Variants in SLC25A18 observed in about 807,000 individuals in gnomAD.
SLC25A18 encodes solute carrier family 25 member 18.
A neutral mutation model predicts 31.1 loss-of-function variants in SLC25A18; 24 were observed. The ratio of observed to expected loss-of-function variants is 0.77; its 90% confidence interval spans 0.56 to 1.08. SLC25A18 has a LOEUF of 1.08. SLC25A18 is among the 50% of genes least tolerant of loss of function. SLC25A18 has a pLI of 0.00. For synonymous variants in SLC25A18, 173 were observed against 161.9 expected (o/e 1.07, Z -0.52); for missense variants, 371 against 418.5 (o/e 0.89, Z 0.99).
intron 2 of SLC25A18, 51 bp from the exon 3 acceptor site, chr22:17,579,694 C>T (rs1036697141): frequency 6.8e-5 from 89 of 1,313,812 alleles, no homozygotes; most frequent in Middle Eastern, 2.8e-4. Context: ...CCACTAGTGA[C>T]GTGCGTCCTC....
chr22:17,564,859 A>G (rs1213151288), intron 1 of SLC25A18, among the ~76,000 whole-genome samples: 10 of 149,550 alleles, frequency 6.7e-5, no homozygotes, highest in African/African-American at 2.4e-4. Flanking sequence ...TCTGTCTCCA[A>G]AAAAAAAAAA....
chr22:17,583,609 C>A, intron 7 of SLC25A18, 75 bp downstream of exon 7: 1 of 1,543,376 alleles, frequency 6.5e-7, no homozygotes, highest in Non-Finnish European at 8.7e-7. Flanking sequence ...ACATCCCAAC[C>A]TCATTTGCTA....
rs1033501617 is a variant in SLC25A18 at position 17,584,800 on chromosome 22, A to C, written c.409+1266A>C. On this transcript the variant is annotated intron_variant, in intron 7 of 10. Coordinates refer to ENST00000327451, the MANE Select transcript of SLC25A18 (RefSeq NM_031481.3). The stretch of plus-strand genomic sequence containing the variant: ...TCATCTCAAAAAAAAAAAAAAAAAA[A>C]AAAAAAAAGAAATGCCAATGACTGG... Among the ~76,000 whole-genome samples, 5 of 151,356 alleles carry C rather than the reference A, an allele frequency of 3.3e-5. No homozygotes were observed. In the South Asian group the frequency reaches 1.0e-3, roughly 31 times the overall value.
At chr22:17,582,431 G>T in intron 5 of SLC25A18, 132 bp from the exon 6 acceptor site, 1 of 593,140 alleles carries the variant, frequency 1.7e-6, no homozygotes, top group Non-Finnish European at 2.9e-6. Flanking sequence ...CAGTGAATTA[G>T]GCTCAGGAGC....
rs745834962 is a variant in SLC25A18 at position 17,590,271 on chromosome 22, CCT to C, written c.*42_*43del. The C allele has an allele frequency of 1.2e-6, 2 of 1,613,316 alleles. No homozygotes were observed. The highest frequency in any genetic ancestry group is 1.1e-5 in the South Asian group (1 of 91,024). On this transcript the variant is annotated 3_prime_UTR_variant, in exon 11 of 11. Coordinates refer to ENST00000327451, the MANE Select transcript of SLC25A18 (RefSeq NM_031481.3). ...GAGGTCAAGTCCCTGCGCTTGCCGC[CCT>C]CTCTCTAGCTGTTTCACTTAGCCTA... is the stretch of plus-strand genomic sequence containing the variant.
intron 9 of SLC25A18, 155 bp downstream of exon 9, chr22:17,588,234 ACCTT>A (rs1305021415): frequency 1.3e-6 from 1 of 762,670 alleles, no homozygotes; most frequent in African/African-American, 1.8e-5. Flanking sequence ...GTCCCAAGAG[ACCTT>A]CCTTCTGTTT....
intron 1 of SLC25A18, among the ~76,000 whole-genome samples, chr22:17,567,946 A>G (rs1458013515): frequency 6.6e-6 from 1 of 152,072 alleles, no homozygotes; most frequent in Non-Finnish European, 1.5e-5. Context: ...CAAAGGAGAC[A>G]GGGTCGTTTA....
intron 1 of SLC25A18, among the ~76,000 whole-genome samples, chr22:17,566,498 C>T (rs1223758288): frequency 2.6e-5 from 4 of 152,142 alleles, no homozygotes; most frequent in Non-Finnish European, 5.9e-5. Flanking sequence ...CTACAACCTC[C>T]GCCTCACGGG....
intron 1 of SLC25A18, among the ~76,000 whole-genome samples, chr22:17,563,997 G>T (rs945593976): frequency 6.6e-6 from 1 of 152,136 alleles, no homozygotes; most frequent in Non-Finnish European, 1.5e-5. Context: ...TGGAGCTGCG[G>T]GCTCATCAGT....
At chr22:17,588,481 T>G in intron 9 of SLC25A18, 1 of 183,276 alleles carries the variant, frequency 5.5e-6, no homozygotes, top group Non-Finnish European at 1.1e-5. Context: ...ACCCCGTCTC[T>G]ACTAAAAATG....
chr22:17,585,441 A>C (rs527280150), intron 7 of SLC25A18: 204 of 152,050 alleles, frequency 1.3e-3, no homozygotes, highest in African/African-American at 4.5e-3. Context: ...TCCTAGTATG[A>C]AATATTTTCC....
chr22:17,580,779 A>G, intron 3 of SLC25A18: 1 of 1,235,898 alleles, frequency 8.1e-7, no homozygotes, highest in South Asian at 2.8e-5. Context: ...CCATGGGGGC[A>G]GAGCTGGGCT....
intron 3 of SLC25A18, chr22:17,580,755 G>T (rs1569185843): frequency 8.3e-7 from 1 of 1,198,110 alleles, no homozygotes; most frequent in South Asian, 3.0e-5. Flanking sequence ...GCAGAGCGGT[G>T]CCCTGGTGGC....
intron 2 of SLC25A18, among the ~76,000 whole-genome samples, chr22:17,574,139 T>G (rs1363054004): frequency 6.6e-6 from 1 of 152,130 alleles, no homozygotes; most frequent in East Asian, 1.9e-4. Context: ...GAGGCTGAGG[T>G]GGGAGGATCG....
At chr22:17,583,270 C>T in intron 6 of SLC25A18, 146 bp from the exon 7 acceptor site, 11 of 951,086 alleles carry the variant, frequency 1.2e-5, no homozygotes, top group Admixed American at 4.2e-5. Flanking sequence ...AGAGACCACA[C>T]CTAAGGGCTA....
rs751375308 is a variant in SLC25A18 at position 17,590,125 on chromosome 22, C to T, written c.837C>T (p.Ala279=). ...RKLWIQEGPS[A]FMKGAGCRAL... is the part of the protein sequence containing the mutation. ...TCTGGATTCAGGAGGGACCATCTGC[C>T]TTCATGAAAGGCGCTGGCTGCCGGG... The change falls in exon 11 of 11, where the codon GCC becomes GCT. Residue 279 remains alanine, a synonymous_variant. Transcript: ENST00000327451. 1.9e-5 allele frequency: 30 copies of T among 1,614,214 alleles called. 2 individuals are homozygous for T. The South Asian group carries it at 3.3e-4, about 18-fold the overall frequency.
chr22:17,581,404 A>G lies in SLC25A18; in HGVS notation c.190A>G (p.Met64Val). ...GGCTCGGGCGGAGGGCTTCTTCGGC[A>G]TGTACCGAGGTGGGCTTCTCAGGTC... is the stretch of plus-strand genomic sequence containing the variant. The part of the protein sequence containing the change: ...KTARAEGFFG[M>V]YRGAAVNLTL... The change falls in exon 5 of 11, where the codon ATG becomes GTG. Residue 64 changes from methionine (M) to valine (V), a missense_variant. Met to Val is a conservative substitution (Grantham distance 21). Transcript: ENST00000327451. The G allele has an allele frequency of 6.2e-7, 1 of 1,614,018 alleles. No individual in the cohort carries two copies. Among genetic ancestry groups the G allele is most frequent in the Non-Finnish European group, 8.5e-7 (1 of 1,180,002 alleles).
rs186045537 is a variant in SLC25A18 at position 17,573,018 on chromosome 22, C to T, written c.-201+3032C>T. ...GTCTCAACAACCCAGGAGGCTGAGGCGGGAGGATCCCTTGAGTCAAGGAAG... is the reference window on the plus strand; with the variant it reads ...GTCTCAACAACCCAGGAGGCTGAGGTGGGAGGATCCCTTGAGTCAAGGAAG... On this transcript the variant is annotated intron_variant, in intron 2 of 10. Transcript: ENST00000327451. Among the ~76,000 whole-genome samples the T allele has an allele frequency of 5.3e-5, 8 of 152,102 alleles. No homozygotes were observed. The East Asian group carries it at 5.9e-4, about 11-fold the overall frequency.
intron 1 of SLC25A18, among the ~76,000 whole-genome samples, chr22:17,569,021 T>A (rs1182063630): frequency 6.6e-6 from 1 of 151,932 alleles, no homozygotes; most frequent in East Asian, 1.9e-4. Context: ...ACTTTTTTTT[T>A]TTTTGAGATG....
Sources: gnomAD v4.1 joint callset for allele counts (sites outside exome capture counted in the v4.1 genomes callset) on GRCh38, gnomAD v4.1.1 for gene constraint, MANE v1.5 for transcripts, NCBI Gene and HGNC (gene_info 2026-07-23, HGNC 2026-07-21) for gene names.